PPP3CA: variants seen among roughly 807,000 people sequenced by gnomAD.
The protein encoded by PPP3CA is protein phosphatase 3 catalytic subunit alpha, also known as CAM-PRP catalytic subunit.
Under a neutral mutation model 66.5 loss-of-function variants are expected in PPP3CA, and 14 were observed. The observed-to-expected ratio is 0.21, with a 90% CI of 0.14 to 0.33. The LOEUF is 0.33. Ranked by LOEUF, PPP3CA falls within the 10% of genes least tolerant of loss-of-function variation. The pLI is 1.00. For missense variants in PPP3CA, 317 were observed against 639.5 expected, an observed-to-expected ratio of 0.50 and a Z score of 5.44; for synonymous variants, 232 against 226.2, an observed-to-expected ratio of 1.03 and a Z score of -0.23.
intron 1 of PPP3CA, among the ~76,000 whole-genome samples, chr4:101,249,181 C>G (rs971871582): frequency 2.7e-5 from 4 of 148,686 alleles, no homozygotes; most frequent in Non-Finnish European, 6.0e-5. Flanking sequence ...AAAAAAAAAC[C>G]AAAAAACAAA....
chr4:101,194,732 A>G (rs1724731415), intron 2 of PPP3CA, among the ~76,000 whole-genome samples: 1 of 152,116 alleles, frequency 6.6e-6, no homozygotes, highest in Middle Eastern at 3.4e-3. Context: ...ACACCCAGCT[A>G]ATTTTTGTAT....
At chr4:101,240,711 ATT>A (rs1302264160) in intron 1 of PPP3CA, 2 of 152,154 alleles carry the variant, frequency 1.3e-5, no homozygotes, top group African/African-American at 4.8e-5. Context: ...ATTTGCTAAT[ATT>A]CAGAAAATCT....
intron 1 of PPP3CA, among the ~76,000 whole-genome samples, chr4:101,237,689 G>C (rs1232092604): frequency 2.0e-5 from 3 of 151,960 alleles, no homozygotes; most frequent in African/African-American, 7.2e-5. Context: ...TGAACGAACA[G>C]AGCATATCTG....
intron 1 of PPP3CA, among the ~76,000 whole-genome samples, chr4:101,220,365 T>A (rs1339432126): frequency 1.3e-5 from 2 of 151,226 alleles, no homozygotes; most frequent in African/African-American, 4.8e-5. Flanking sequence ...AGGGAAAAAA[T>A]TAACCTGTTC....
chr4:101,225,831 A>G (rs950186994), intron 1 of PPP3CA, among the ~76,000 whole-genome samples: 3 of 151,834 alleles, frequency 2.0e-5, no homozygotes, highest in Non-Finnish European at 4.4e-5. Context: ...ACTTTGTGTC[A>G]ATGTACTTTA....
At chr4:101,203,759 ACAACTTCCTCTGC>A (rs1725041988) in intron 1 of PPP3CA, among the ~76,000 whole-genome samples, 1 of 152,152 alleles carries the variant, frequency 6.6e-6, no homozygotes, top group Non-Finnish European at 1.5e-5. Flanking sequence ...GTGACAGTCC[ACAACTTCCTCTGC>A]ATGCAGTCTT....
chr4:101,107,180 A>G (rs1730791434), intron 3 of PPP3CA, among the ~76,000 whole-genome samples: 1 of 152,206 alleles, frequency 6.6e-6, no homozygotes, highest in Non-Finnish European at 1.5e-5. Flanking sequence ...TCTTTGATTC[A>G]GTCTTCCCAA....
At chr4:101,213,126 C>A (rs1314183761) in intron 1 of PPP3CA, among the ~76,000 whole-genome samples, 1 of 152,016 alleles carries the variant, frequency 6.6e-6, no homozygotes, top group African/African-American at 2.4e-5. Context: ...ATAATAGATA[C>A]CATCAGTAAA....
chr4:101,144,133 C>A (rs1722893374), intron 2 of PPP3CA, among the ~76,000 whole-genome samples: 1 of 152,106 alleles, frequency 6.6e-6, no homozygotes, highest in African/African-American at 2.4e-5. Context: ...CTGTCTGGAC[C>A]ATTACATGAA....
intron 2 of PPP3CA, among the ~76,000 whole-genome samples, chr4:101,154,267 T>A (rs1723237438): frequency 6.6e-6 from 1 of 152,168 alleles, no homozygotes; most frequent in Non-Finnish European, 1.5e-5. Context: ...TTTGCTGTTC[T>A]CCCAAAAGTC....
intron 1 of PPP3CA, among the ~76,000 whole-genome samples, chr4:101,241,979 A>C (rs1185976201): frequency 4.6e-5 from 7 of 152,150 alleles, no homozygotes; most frequent in Non-Finnish European, 7.4e-5. Flanking sequence ...AATTCTTTTA[A>C]TATTCTGGAA....
intron 2 of PPP3CA, among the ~76,000 whole-genome samples, chr4:101,127,222 C>T (rs1404873100): frequency 6.6e-6 from 1 of 151,912 alleles, no homozygotes; most frequent in East Asian, 1.9e-4. Flanking sequence ...GCTTCTGGTA[C>T]ATCCAGTTCC....
At chr4:101,220,876 T>C (rs1417635743) in intron 1 of PPP3CA, among the ~76,000 whole-genome samples, 1 of 151,772 alleles carries the variant, frequency 6.6e-6, no homozygotes, top group African/African-American at 2.4e-5. Context: ...ACCTTTGCCT[T>C]AAATTCCTCT....
chr4:101,039,445 A>G (rs1254419895), intron 11 of PPP3CA, among the ~76,000 whole-genome samples: 1 of 145,072 alleles, frequency 6.9e-6, no homozygotes, highest in Non-Finnish European at 1.5e-5. Flanking sequence ...ACGTACAGCA[A>G]TAGAGCAAAG....
intron 2 of PPP3CA, among the ~76,000 whole-genome samples, chr4:101,137,965 T>C (rs1258202865): frequency 6.6e-6 from 1 of 152,102 alleles, no homozygotes; most frequent in Non-Finnish European, 1.5e-5. Flanking sequence ...TTTATTATTC[T>C]GCATTATATA....
At chr4:101,123,007 A>T (rs1408881080) in intron 2 of PPP3CA, among the ~76,000 whole-genome samples, 2 of 152,202 alleles carry the variant, frequency 1.3e-5, no homozygotes, top group Non-Finnish European at 2.9e-5. Context: ...ACAATTATAA[A>T]TTAAAATAAT....
intron 1 of PPP3CA, among the ~76,000 whole-genome samples, chr4:101,324,211 A>AGGAAAGGAG (rs1729139544): frequency 7.1e-6 from 1 of 140,842 alleles, no homozygotes; most frequent in Non-Finnish European, 1.6e-5. Flanking sequence ...GAAGGAAGGA[A>AGGAAAGGAG]GGAAGGAAGG....
rs1284669051 is a variant in PPP3CA, at chr4:101,106,430, AAAGAAAGAAAGAAAGAAAG to A, written c.384+2505_384+2523del. Reference sequence around the variant, plus strand: ...GAAAGAAAGAAAGAAAGAAAGAAAGAAAGAAAGAAAGAAAGAAAGAAAGAGAAAAGAAAAGAAAAGAAAA... The same window carrying A: ...GAAAGAAAGAAAGAAAGAAAGAAAGAAAAGAGAAAAGAAAAGAAAAGAAAA... On this transcript the variant is annotated intron_variant, in intron 3 of 13. Coordinates refer to ENST00000394854, the MANE Select transcript of PPP3CA (RefSeq NM_000944.5). Among the ~76,000 whole-genome samples, 6 of 13,568 alleles carry A rather than the reference AAAGAAAGAAAGAAAGAAAG, an allele frequency of 4.4e-4. 3 individuals carry two copies. The highest frequency in any genetic ancestry group is 1.5e-3 in the African/African-American group (6 of 4,078). 8.9% of individuals were successfully genotyped at this position (13,568 alleles called of 152,430 possible).
chr4:101,083,153 G>C, intron 7 of PPP3CA, 33 bp downstream of exon 7: 2 of 1,396,066 alleles, frequency 1.4e-6, no homozygotes. Flanking sequence ...AATGGACAAT[G>C]CATGGTTTTT....
Sources: gnomAD v4.1 joint callset for allele counts (sites outside exome capture counted in the v4.1 genomes callset) on GRCh38, gnomAD v4.1.1 for gene constraint, MANE v1.5 for transcripts, NCBI Gene and HGNC (gene_info 2026-07-23, HGNC 2026-07-21) for gene names.